The following ITPR2 variants were observed in gnomAD, a reference collection of about 807,000 sequenced individuals.
The protein encoded by ITPR2 is inositol 1,4,5-trisphosphate receptor type 2.
Under a neutral mutation model 317.1 loss-of-function variants are expected in ITPR2, and 207 were observed. The observed-to-expected ratio is 0.65, with a 90% CI of 0.58 to 0.73. The LOEUF is 0.73. ITPR2 is among the 30% of genes least tolerant of loss of function. The pLI, the probability that ITPR2 is intolerant of heterozygous loss-of-function variation, is 0.00. For missense variants in ITPR2, 2,613 were observed against 3,284.0 expected (o/e 0.80, Z 4.99); for synonymous variants, 1,156 against 1,149.1 (o/e 1.01, Z -0.12).
intron 22 of ITPR2, among the ~76,000 whole-genome samples, chr12:26,631,653 T>C (rs1946754267): frequency 6.6e-6 from 1 of 152,092 alleles, no homozygotes; most frequent in South Asian, 2.1e-4. Flanking sequence ...ATATGATCAT[T>C]AGTATATTTA....
intron 55 of ITPR2, among the ~76,000 whole-genome samples, chr12:26,374,051 T>A (rs1183816033): frequency 4.6e-5 from 7 of 152,234 alleles, no homozygotes; most frequent in Non-Finnish European, 8.8e-5. Flanking sequence ...TCTGTCCTCA[T>A]GTCCTCTCTG....
intron 13 of ITPR2, among the ~76,000 whole-genome samples, chr12:26,670,954 G>T (rs1169079657): frequency 1.3e-5 from 2 of 152,194 alleles, no homozygotes; most frequent in African/African-American, 4.8e-5. Flanking sequence ...TATCAGCAAT[G>T]GAAGATGAAA....
At chr12:26,386,808 G>A (rs1340247393) in intron 55 of ITPR2, among the ~76,000 whole-genome samples, 1 of 152,104 alleles carries the variant, frequency 6.6e-6, no homozygotes, top group African/African-American at 2.4e-5. Flanking sequence ...GGGCCAATTT[G>A]TTTTAATTTT....
At chr12:26,742,223 T>C (rs974397624) in intron 2 of ITPR2, among the ~76,000 whole-genome samples, 8 of 152,210 alleles carry the variant, frequency 5.3e-5, no homozygotes, top group African/African-American at 1.9e-4. Context: ...AGCCCATTGA[T>C]TGGATAAGCG....
intron 1 of ITPR2, among the ~76,000 whole-genome samples, chr12:26,822,411 T>C (rs1158607322): frequency 6.6e-6 from 1 of 152,152 alleles, no homozygotes; most frequent in African/African-American, 2.4e-5. Flanking sequence ...GGACTCCATA[T>C]ATACCAGAAG....
Position 26,628,094 on chromosome 12 carries a change from T to C in ITPR2, c.3003A>G (p.Gly1001=). 6.2e-7 allele frequency: 1 copy of C among 1,612,672 alleles called. No homozygotes were observed. Among genetic ancestry groups the C allele is most frequent in the Non-Finnish European group, 8.5e-7 (1 of 1,178,740 alleles). Residue 1001 remains glycine (G), a synonymous_variant, in exon 23 of 57, where the codon GGA becomes GGG. Coordinates refer to ENST00000381340, the MANE Select transcript of ITPR2 (RefSeq NM_002223.4). ...ATGTCTCCGCATTGTCATTGTCCTC[T>C]CCAAACTCCTTCTTATATATTGACA... The part of the protein sequence containing the change: ...YMLSIYKKEF[G]EDNDNAETSA...
At chr12:26,355,551 C>CA (rs1938611377) in intron 55 of ITPR2, among the ~76,000 whole-genome samples, 1 of 152,162 alleles carries the variant, frequency 6.6e-6, no homozygotes, top group South Asian at 2.1e-4. Flanking sequence ...TCTGGTCACT[C>CA]AAAAAATGCC....
At position 26,439,840 on chromosome 12, in the gene ITPR2, TG is replaced by T. The variant is rs1941443336; in HGVS notation, c.6451-522del. ...TCTTATTCATGGTAAAACATATTTT[TG>T]TAGCTACAACATCCATGTAAACATA... On this transcript the variant is annotated intron_variant, in intron 46 of 56. Coordinates refer to ENST00000381340, the MANE Select transcript of ITPR2 (RefSeq NM_002223.4). Among the ~76,000 whole-genome samples, 6 of 152,198 alleles carry T rather than the reference TG, an allele frequency of 3.9e-5. No homozygotes were observed. In the South Asian group the frequency reaches 1.2e-3, roughly 31 times the overall value.
At position 26,583,908 on chromosome 12, in the gene ITPR2, G is replaced by A. The variant is rs139205026; in HGVS notation, c.4381-3753C>T. Among the ~76,000 whole-genome samples, 365 of 152,100 alleles carry A rather than the reference G, an allele frequency of 2.4e-3. 4 individuals carry two copies. Among genetic ancestry groups the A allele is most frequent in the African/African-American group, 8.3e-3 (344 of 41,522 alleles). On this transcript the variant is annotated intron_variant, in intron 32 of 56. Transcript: ENST00000381340. ...TCCAAGAAAAAAAAATCCATCTTTT[G>A]AAATATTTGTCTTCTTCTACTTCCA... is the stretch of plus-strand genomic sequence containing the variant.
chr12:26,769,962 C>T (rs10506010), intron 2 of ITPR2, among the ~76,000 whole-genome samples: 111,132 of 152,094 alleles, frequency 0.73, 41,816 homozygotes, highest in East Asian at 0.97. Context: ...TGGTGTAACA[C>T]GATTGGGAAT....
intron 55 of ITPR2, among the ~76,000 whole-genome samples, chr12:26,353,039 G>C (rs1223957788): frequency 6.6e-6 from 1 of 152,226 alleles, no homozygotes; most frequent in Non-Finnish European, 1.5e-5. Flanking sequence ...AGATGGAGGA[G>C]ACCATAAAGG....
At chr12:26,672,654 A>G (rs1015266004) in intron 13 of ITPR2, among the ~76,000 whole-genome samples, 6 of 151,858 alleles carry the variant, frequency 4.0e-5, no homozygotes, top group African/African-American at 1.5e-4. Context: ...GAAAAGCAAG[A>G]GCAAACACAT....
intron 46 of ITPR2, among the ~76,000 whole-genome samples, chr12:26,439,906 TTTG>T (rs1941444827): frequency 6.8e-6 from 1 of 147,656 alleles, no homozygotes; most frequent in Non-Finnish European, 1.5e-5. Context: ...GCCTCCCTTA[TTTG>T]TTATTTGTGA....
At chr12:26,611,242 A>T (rs1270643201) in intron 26 of ITPR2, among the ~76,000 whole-genome samples, 3 of 152,230 alleles carry the variant, frequency 2.0e-5, no homozygotes, top group Non-Finnish European at 4.4e-5. Context: ...CCTCATCTGC[A>T]AAAACAGTCC....
intron 2 of ITPR2, among the ~76,000 whole-genome samples, chr12:26,738,004 A>AAC (rs150339787): frequency 4.6e-5 from 7 of 151,588 alleles, no homozygotes; most frequent in East Asian, 1.9e-4. Flanking sequence ...CTTTCCCCAC[A>AAC]ACACACACAC....
rs770297282 is a variant in ITPR2 at position 26,419,106 on chromosome 12, C to T, written c.7053G>A (p.Ala2351=). 21 of 1,613,740 alleles carry T rather than the reference C, an allele frequency of 1.3e-5. No homozygotes were observed. The highest frequency in any genetic ancestry group is 1.5e-5 in the Non-Finnish European group (18 of 1,179,806). The change falls in exon 50 of 57, where the codon GCG becomes GCA. Residue 2351 remains alanine, a synonymous_variant. Transcript: ENST00000381340. ...ILDMAFLYHV[A]YVLVCMLGLF... ...GGCCCAGCATGCAAACCAGGACATA[C>T]GCCACGTGATAGAGAAAGGCCATAT...
intron 49 of ITPR2, among the ~76,000 whole-genome samples, chr12:26,425,830 G>A (rs1397209726): frequency 3.3e-5 from 5 of 152,174 alleles, no homozygotes; most frequent in Admixed American, 6.5e-5. Flanking sequence ...TTCTCATAAA[G>A]AAAGTGAAAT....
chr12:26,819,926 C>G (rs1359483157), intron 1 of ITPR2, among the ~76,000 whole-genome samples: 1 of 152,028 alleles, frequency 6.6e-6, no homozygotes, highest in East Asian at 1.9e-4. Flanking sequence ...AAAAAATTAG[C>G]TGGGCATGGT....
At chr12:26,620,076 G>A (rs1397080318) in intron 26 of ITPR2, among the ~76,000 whole-genome samples, 4 of 152,016 alleles carry the variant, frequency 2.6e-5, no homozygotes, top group Non-Finnish European at 4.4e-5. Flanking sequence ...CACCCCTCAC[G>A]GTCCCTCTGT....
Sources: allele counts gnomAD v4.1 joint callset (sites outside exome capture counted in the v4.1 genomes callset), GRCh38; gene constraint gnomAD v4.1.1; transcripts MANE v1.5; gene names NCBI Gene and HGNC (gene_info 2026-07-23, HGNC 2026-07-21).